Variants in ABI3 observed in about 807,000 individuals in gnomAD.
ABI3 encodes ABI gene family member 3.
ABI3 carries 24 observed loss-of-function variants against 37.0 expected under a neutral mutation model. That is an observed-to-expected ratio of 0.65 (90% CI 0.47 to 0.91). ABI3 has a LOEUF of 0.91. Ranked by LOEUF, ABI3 falls within the 40% of genes least tolerant of loss-of-function variation. ABI3 has a pLI of 0.00. For missense variants in ABI3, 481 were observed against 485.1 expected (o/e 0.99, Z 0.08); for synonymous variants, 220 against 211.8 (o/e 1.04, Z -0.34).
At chr17:49,212,787 T>C (rs1394033640) in intron 1 of ABI3, among the ~76,000 whole-genome samples, 5 of 152,214 alleles carry the variant, frequency 3.3e-5, no homozygotes, top group Admixed American at 6.5e-5. Flanking sequence ...AAAATGCTAC[T>C]CTGGGTATCA....
intron 1 of ABI3, among the ~76,000 whole-genome samples, chr17:49,215,262 G>C (rs1013945651): frequency 1.3e-5 from 2 of 152,174 alleles, no homozygotes; most frequent in African/African-American, 2.4e-5. Context: ...GTGTGTGAGA[G>C]GGGGAGTGGT....
In ABI3 at chr17:49,215,941, T is replaced by TA. The variant is rs1235253007; in HGVS notation, c.118-578dup. Reference sequence around the variant, plus strand: ...TAACATGGAGAAACCCTGTCTCTACTAAAAAAAAAAAATTACAAAATAAGC... The same window carrying TA: ...TAACATGGAGAAACCCTGTCTCTACTAAAAAAAAAAAAATTACAAAATAAGC... On this transcript the variant is annotated intron_variant, in intron 1 of 7. Transcript: ENST00000225941. Among the ~76,000 whole-genome samples the TA allele has an allele frequency of 7.2e-3, 1,029 of 143,744 alleles. 9 individuals are homozygous for TA. The highest frequency in any genetic ancestry group is 0.011 in the Non-Finnish European group (743 of 65,042). The allele number at this position is 143,744 out of a possible 152,430, so 94.3% of individuals were successfully genotyped here.
intron 3 of ABI3, 73 bp downstream of exon 3, chr17:49,217,988 C>A (rs2043240059): frequency 4.3e-6 from 6 of 1,405,606 alleles, no homozygotes; most frequent in Non-Finnish European, 5.7e-6. Flanking sequence ...CCTCCAGAAC[C>A]CCAGTTCTGC....
At chr17:49,222,351 C>T in intron 7 of ABI3, 126 bp downstream of exon 7, 1 of 1,401,946 alleles carries the variant, frequency 7.1e-7, no homozygotes, top group Non-Finnish European at 9.5e-7. Flanking sequence ...TTCTGACGAA[C>T]TGACAGAACT....
intron 7 of ABI3, 57 bp downstream of exon 7, chr17:49,222,282 C>A (rs2043299597): frequency 5.1e-6 from 8 of 1,567,890 alleles, no homozygotes; most frequent in South Asian, 1.2e-5. Context: ...TTGCCCTGAT[C>A]CCCATTCTCC....
In ABI3 at chr17:49,219,478, G is replaced by T; in HGVS notation, c.463-62G>T. The T allele has an allele frequency of 7.1e-7, 1 of 1,401,052 alleles. No individual in the cohort carries two copies. Among genetic ancestry groups the T allele is most frequent in the Non-Finnish European group, 9.8e-7 (1 of 1,020,034 alleles). 86.8% of individuals were successfully genotyped at this position (1,401,052 alleles called of 1,614,324 possible). A position where few individuals can be genotyped will look rare whatever the true frequency, so the allele number is the denominator to read the frequency against. ...CCGCCCCTCCTCCATTTCCTCTTGG[G>T]GATGAGGGTGGAGGGAGGCCCCTCA... On this transcript the variant is annotated intron_variant, in intron 3 of 7. Coordinates refer to ENST00000225941, the MANE Select transcript of ABI3 (RefSeq NM_016428.3). This position sits in a 1 kb window ranked among gnomAD's most constrained non-coding sequence, Gnocchi z 4.3.
chr17:49,222,323 G>A lies in ABI3; in HGVS notation c.937+98G>A, dbSNP rs73340318. The A allele has an allele frequency of 2.4e-4, 352 of 1,485,026 alleles. 3 individuals are homozygous for A. The African/African-American group carries it at 4.2e-3, about 18-fold the overall frequency. 92.0% of individuals were successfully genotyped at this position (1,485,026 alleles called of 1,614,324 possible). A position where few individuals can be genotyped will look rare whatever the true frequency, so the allele number is the denominator to read the frequency against. ...CTGCAAAGGTGTGAATCTATCCCCC[G>A]GGCCCCCCACACAATTTTTCTGACG... On this transcript the variant is annotated intron_variant, in intron 7 of 7. Transcript: ENST00000225941.
At chr17:49,218,468 C>G (rs2043244791) in intron 3 of ABI3, among the ~76,000 whole-genome samples, 1 of 152,208 alleles carries the variant, frequency 6.6e-6, no homozygotes, top group South Asian at 2.1e-4. Context: ...CAATTCCTGT[C>G]TCCACACCTT....
chr17:49,217,645 C>A (rs945980985), intron 2 of ABI3, 94 bp from the exon 3 acceptor site: 8 of 1,214,496 alleles, frequency 6.6e-6, no homozygotes, highest in South Asian at 4.4e-5. Flanking sequence ...GGCTGCCTCC[C>A]CCCCCCAGCC....
At chr17:49,215,576 C>T (rs1287576769) in intron 1 of ABI3, among the ~76,000 whole-genome samples, 3 of 151,952 alleles carry the variant, frequency 2.0e-5, no homozygotes, top group African/African-American at 7.2e-5. Context: ...TGGCTCACTG[C>T]AACCTCCGCC....
chr17:49,222,449 CTA>C, intron 7 of ABI3, 101 bp from the exon 8 acceptor site: 3 of 1,475,724 alleles, frequency 2.0e-6, no homozygotes, highest in Non-Finnish European at 2.8e-6. Context: ...AAGATGGCCC[CTA>C]GAGTCTAGTA....
In ABI3 at chr17:49,220,448, G is replaced by A. The variant is rs571117610; in HGVS notation, c.802+122G>A. On this transcript the variant is annotated intron_variant, in intron 6 of 7. Transcript: ENST00000225941. ...TCAGTGAATGCCTCCTCCAAGGAGC[G>A]CAGCACAGGGGCGAAAGGAGACAGA... 26 of 1,288,288 alleles carry A rather than the reference G, an allele frequency of 2.0e-5. 1 individual carries two copies. In the South Asian group the frequency reaches 2.5e-4, roughly 13 times the overall value. 79.8% of individuals were successfully genotyped at this position (1,288,288 alleles called of 1,614,324 possible). A position where few individuals can be genotyped will look rare whatever the true frequency, so the allele number is the denominator to read the frequency against.
intron 3 of ABI3, among the ~76,000 whole-genome samples, chr17:49,218,608 A>ATTC (rs57445695): frequency 0.21 from 30,608 of 146,082 alleles, 3,520 homozygotes; most frequent in South Asian, 0.33. Flanking sequence ...TCCAACTTAT[A>ATTC]TTTTTTTTTT....
At chr17:49,211,579 A>G (rs982497119) in intron 1 of ABI3, among the ~76,000 whole-genome samples, 9 of 152,154 alleles carry the variant, frequency 5.9e-5, no homozygotes, top group East Asian at 3.8e-4. Flanking sequence ...TATAATTCCT[A>G]TTTTACAGAT....
Position 49,217,811 on chromosome 17 carries a change from C to A in ABI3, c.358C>A (p.Pro120Thr). ...CTTAGCCACTGTCCAGCGGCTGCCC[C>A]CCGGCCAGAAGGTCATCGCCCCAGA... is the stretch of plus-strand genomic sequence containing the variant. Reference protein sequence around the residue: ...GTLATVQRLPPGQKVIAPENL... With the variant: ...GTLATVQRLPTGQKVIAPENL... Residue 120 changes from proline (P) to threonine (T), a missense_variant, in exon 3 of 8, where the codon CCC (proline) becomes ACC (threonine). Transcript: ENST00000225941. 6.2e-7 allele frequency: 1 copy of A among 1,611,210 alleles called. No homozygotes were observed. Among genetic ancestry groups the A allele is most frequent in the Non-Finnish European group, 8.5e-7 (1 of 1,178,738 alleles).
intron 3 of ABI3, 71 bp downstream of exon 3, chr17:49,217,986 A>C: frequency 2.1e-6 from 3 of 1,415,732 alleles, no homozygotes; most frequent in Non-Finnish European, 2.8e-6. Context: ...TCCCTCCAGA[A>C]CCCCAGTTCT....
Position 49,221,939 on chromosome 17 carries a change from G to C in ABI3, c.803-152G>C, listed in dbSNP as rs951151402. On this transcript the variant is annotated intron_variant, in intron 6 of 7. Transcript: ENST00000225941. ...TCACCATGTTGGCCAGGCTGGTCTC[G>C]AACTCCTGGCCTCAGGTGATCTGCC... 3.8e-6 allele frequency: 4 copies of C among 1,052,136 alleles called. No individual in the cohort carries two copies. The East Asian group carries it at 1.1e-4, about 30-fold the overall frequency. 65.2% of individuals were successfully genotyped at this position (1,052,136 alleles called of 1,614,324 possible). A position where few individuals can be genotyped will look rare whatever the true frequency, so the allele number is the denominator to read the frequency against.
At chr17:49,216,377 A>G (rs2043218020) in intron 1 of ABI3, among the ~76,000 whole-genome samples, 154 bp from the exon 2 acceptor site, 1 of 152,174 alleles carries the variant, frequency 6.6e-6, no homozygotes, top group African/African-American at 2.4e-5. Flanking sequence ...CTCTTGCTAC[A>G]TCATTCTGCT....
At chr17:49,217,044 G>T (rs1456807120) in intron 2 of ABI3, among the ~76,000 whole-genome samples, 1 of 152,112 alleles carries the variant, frequency 6.6e-6, no homozygotes, top group Non-Finnish European at 1.5e-5. Flanking sequence ...GACCCAGGGT[G>T]CTAGCTTGAC....
Sources: allele counts gnomAD v4.1 joint callset (sites outside exome capture counted in the v4.1 genomes callset), GRCh38; gene constraint gnomAD v4.1.1; non-coding constraint Gnocchi (gnomAD v3.1); transcripts MANE v1.5; gene names NCBI Gene and HGNC (gene_info 2026-07-23, HGNC 2026-07-21).